The following VAV2 variants were observed in gnomAD, a reference collection of about 807,000 sequenced individuals.
VAV2 encodes vav guanine nucleotide exchange factor 2, also known as guanine nucleotide exchange factor VAV2.
Under a neutral mutation model 132.5 loss-of-function variants are expected in VAV2, and 67 were observed. The ratio of observed to expected loss-of-function variants is 0.51; its 90% CI spans 0.42 to 0.62. The LOEUF is 0.62. VAV2 is among the 20% of genes least tolerant of loss of function. The pLI, the probability that VAV2 is intolerant of heterozygous loss-of-function variation, is 0.00. For missense variants in VAV2, 938 were observed against 1,153.6 expected (o/e 0.81, Z 2.71); for synonymous variants, 492 against 443.5 (o/e 1.11, Z -1.37).
chr9:133,778,815 T>C lies in VAV2; in HGVS notation c.1837A>G (p.Thr613Ala). The change falls in exon 22 of 30, where the codon ACG becomes GCG. Residue 613 changes from threonine (T) to alanine (A), a missense_variant. Physicochemically the swap from Thr to Ala is moderately conservative, Grantham distance 58. Coordinates refer to ENST00000371850, the MANE Select transcript of VAV2 (RefSeq NM_001134398.2). Reference protein sequence around the residue: ...PPGKPVLTFQTGDVLELLRGD... With the variant: ...PPGKPVLTFQAGDVLELLRGD... ...CTCAGCAGCTCAAGCACGTCGCCCG[T>C]CTGGAAGGTCAGCACAGGCTTCCCG... 1.2e-6 allele frequency: 2 copies of C among 1,613,062 alleles called. No homozygotes were observed. The highest frequency in any genetic ancestry group is 2.2e-5 in the South Asian group (2 of 91,068).
chr9:133,769,579 C>A lies in VAV2; in HGVS notation c.2348-76G>T. ...CAGTCACGGTGGGCACAGCTACAGG[C>A]CGGGGGGCATGGGGTGGGGCAGGCC... On this transcript the variant is annotated intron_variant, in intron 27 of 29. Coordinates refer to ENST00000371850, the MANE Select transcript of VAV2 (RefSeq NM_001134398.2). The surrounding 1 kb of genome is among the most constrained non-coding windows in gnomAD (Gnocchi z 8.1). 6.8e-7 allele frequency: 1 copy of A among 1,466,672 alleles called. No individual in the cohort carries two copies. The highest frequency in any genetic ancestry group is 1.3e-5 in the South Asian group (1 of 79,072). 90.9% of individuals were successfully genotyped at this position (1,466,672 alleles called of 1,614,324 possible).
At chr9:133,789,995 C>T (rs772463447) in intron 13 of VAV2, among the ~76,000 whole-genome samples, 2 of 152,208 alleles carry the variant, frequency 1.3e-5, no homozygotes, top group Non-Finnish European at 2.9e-5. Flanking sequence ...GTGTCTCCTT[C>T]CAAGGTCTCA....
At chr9:133,902,668 C>T (rs192141988) in intron 2 of VAV2, among the ~76,000 whole-genome samples, 3 of 152,240 alleles carry the variant, frequency 2.0e-5, no homozygotes, top group African/African-American at 4.8e-5. Flanking sequence ...GGTGCTAATC[C>T]CCAGGACCTC....
chr9:133,911,041 C>G (rs1294895164), intron 2 of VAV2, among the ~76,000 whole-genome samples: 1 of 152,164 alleles, frequency 6.6e-6, no homozygotes, highest in East Asian at 1.9e-4. Flanking sequence ...AGCACCCCAG[C>G]TCCTGGCCAG....
chr9:133,854,188 GCACA>G (rs771343415), intron 3 of VAV2, among the ~76,000 whole-genome samples: 2 of 145,590 alleles, frequency 1.4e-5, no homozygotes, highest in Non-Finnish European at 3.0e-5. Flanking sequence ...CCATGTACCT[GCACA>G]CACACAAATC....
At chr9:133,970,193 G>A (rs1004442051) in intron 1 of VAV2, among the ~76,000 whole-genome samples, 1 of 152,148 alleles carries the variant, frequency 6.6e-6, no homozygotes, top group African/African-American at 2.4e-5. Flanking sequence ...TGCCCCAAGG[G>A]CCAATCACTC....
chr9:133,903,848 AC>A (rs1839538801), intron 2 of VAV2, among the ~76,000 whole-genome samples: 1 of 152,116 alleles, frequency 6.6e-6, no homozygotes, highest in Non-Finnish European at 1.5e-5. Flanking sequence ...GGAGGCAGAG[AC>A]CCTGAGCTTG....
intron 4 of VAV2, among the ~76,000 whole-genome samples, chr9:133,830,998 C>T (rs771636609): frequency 6.6e-6 from 1 of 152,196 alleles, no homozygotes; most frequent in Non-Finnish European, 1.5e-5. Context: ...ATTAAGGAGG[C>T]TCAGTCTTAA....
intron 1 of VAV2, among the ~76,000 whole-genome samples, chr9:133,960,020 A>G (rs1841914764): frequency 6.6e-6 from 1 of 152,204 alleles, no homozygotes; most frequent in South Asian, 2.1e-4. Context: ...ACACAGTGAG[A>G]GCCGGGAACA....
intron 3 of VAV2, among the ~76,000 whole-genome samples, chr9:133,835,002 G>A (rs1171485101): frequency 2.0e-5 from 3 of 152,090 alleles, no homozygotes; most frequent in Non-Finnish European, 2.9e-5. Flanking sequence ...CCCACACTCC[G>A]CCCTCCAGAT....
intron 25 of VAV2, among the ~76,000 whole-genome samples, chr9:133,773,585 T>A (rs1316321409): frequency 6.6e-6 from 1 of 150,544 alleles, no homozygotes; most frequent in Non-Finnish European, 1.5e-5. Context: ...CACAAACATA[T>A]TACACAGCTG....
At position 133,885,715 on chromosome 9, in the gene VAV2, C is replaced by A. The variant is rs1465912920; in HGVS notation, c.322-24283G>T. Among the ~76,000 whole-genome samples the A allele has an allele frequency of 6.6e-6, 1 of 152,188 alleles. No individual in the cohort carries two copies. Among genetic ancestry groups the A allele is most frequent in the Non-Finnish European group, 1.5e-5 (1 of 68,042 alleles). On this transcript the variant is annotated intron_variant, in intron 2 of 29. Transcript: ENST00000371850. The surrounding 1 kb of genome is among the most constrained non-coding windows in gnomAD (Gnocchi z 5.0). ...GCATCTGGCCTCACCAGGTGATGCT[C>A]AGCTGCCCCAAGATGGAGGTGGGCA...
intron 24 of VAV2, 45 bp downstream of exon 24, chr9:133,775,981 CAA>C (rs1176445556): frequency 6.4e-7 from 1 of 1,567,100 alleles, no homozygotes; most frequent in Admixed American, 1.7e-5. Flanking sequence ...GCCCCCATAA[CAA>C]AGAGGCCACC....
chr9:133,892,675 G>A (rs1383305642), intron 2 of VAV2, among the ~76,000 whole-genome samples: 1 of 152,122 alleles, frequency 6.6e-6, no homozygotes, highest in African/African-American at 2.4e-5. Flanking sequence ...GGCTCCAACA[G>A]GGACACAGGG....
chr9:133,806,139 C>A lies in VAV2; in HGVS notation c.778G>T (p.Val260Leu). The change falls in exon 9 of 30, where the codon GTG (valine) becomes TTG (leucine). Residue 260 changes from valine to leucine, a missense_variant. By Grantham distance (32) the Val-to-Leu change is conservative. Transcript: ENST00000371850. ...VHHSFLRAID[V>L]SVMVGGSTLA... ...GTGCTGCCCCCCACCATCACGGACA[C>A]GTCGATGGCCCTCAGGAAGCTGTGA... is the stretch of plus-strand genomic sequence containing the variant. The A allele has an allele frequency of 6.2e-7, 1 of 1,612,996 alleles. No individual in the cohort carries two copies. Among genetic ancestry groups the A allele is most frequent in the Non-Finnish European group, 8.5e-7 (1 of 1,179,974 alleles).
chr9:133,860,077 C>T (rs959563142), intron 3 of VAV2, among the ~76,000 whole-genome samples: 10 of 152,072 alleles, frequency 6.6e-5, no homozygotes, highest in Admixed American at 3.3e-4. Flanking sequence ...CTGAGGTGGG[C>T]AGATCACCAG....
intron 2 of VAV2, among the ~76,000 whole-genome samples, chr9:133,931,664 C>G (rs1426090715): frequency 6.6e-6 from 1 of 152,236 alleles, no homozygotes; most frequent in Non-Finnish European, 1.5e-5. Context: ...CACCCCGCTC[C>G]AGCCCTAACA....
intron 2 of VAV2, among the ~76,000 whole-genome samples, chr9:133,878,524 C>T (rs1010972808): frequency 4.6e-5 from 7 of 152,186 alleles, no homozygotes; most frequent in South Asian, 4.1e-4. Flanking sequence ...ACACTGCCCA[C>T]GGCTGCCCCG....
At chr9:133,980,569 A>T (rs958863038) in intron 1 of VAV2, among the ~76,000 whole-genome samples, 1 of 152,114 alleles carries the variant, frequency 6.6e-6, no homozygotes, top group African/African-American at 2.4e-5. Flanking sequence ...GGGCATGGCC[A>T]CCTCTCTGGA....
Sources: gnomAD v4.1 joint callset for allele counts (sites outside exome capture counted in the v4.1 genomes callset) on GRCh38, gnomAD v4.1.1 for gene constraint, Gnocchi (gnomAD v3.1) non-coding constraint, MANE v1.5 for transcripts, NCBI Gene and HGNC (gene_info 2026-07-23, HGNC 2026-07-21) for gene names.